RABGAP1: variants seen among roughly 807,000 people sequenced by gnomAD.
RABGAP1 encodes the protein rab GTPase-activating protein 1.
In RABGAP1, 23 loss-of-function variants were observed where a neutral mutation model predicts 137.6. The observed-to-expected ratio is 0.17, with a 90% confidence interval of 0.12 to 0.24. The LOEUF (loss-of-function observed/expected upper bound fraction) is 0.24, where lower values mean the gene tolerates loss of function less well. Among genes scored for constraint, RABGAP1 ranks in the 10% least tolerant of loss-of-function variants. The pLI is 1.00. For missense variants in RABGAP1, 906 were observed against 1,275.8 expected (o/e 0.71, Z 4.42); for synonymous variants, 451 against 450.7 (o/e 1.00, Z -0.01).
In RABGAP1 at chr9:123,070,224, C is replaced by T; in HGVS notation, c.1909-126C>T. The T allele has an allele frequency of 6.7e-7, 1 of 1,484,478 alleles. No homozygotes were observed. The highest frequency in any genetic ancestry group is 2.4e-5 in the East Asian group (1 of 42,416). The allele number at this position is 1,484,478 out of a possible 1,614,324, so 92.0% of individuals were successfully genotyped here. ...GAGAAGTATTGGCACCACTTACTGTCTGTCAAAATGCTGTCCCAGTGTGGG... is the reference window on the plus strand; with the variant it reads ...GAGAAGTATTGGCACCACTTACTGTTTGTCAAAATGCTGTCCCAGTGTGGG... On this transcript the variant is annotated intron_variant, in intron 14 of 25. Transcript: ENST00000373647. This position sits in a 1 kb window ranked among gnomAD's most constrained non-coding sequence, Gnocchi z 4.4.
In RABGAP1 at chr9:122,979,141, A is replaced by C. The variant is rs558937305; in HGVS notation, c.151-5344A>C. On this transcript the variant is annotated intron_variant, in intron 2 of 25. Transcript: ENST00000373647. ...TCAAACTCCTAGAGACACACAGTCC[A>C]CCTGCCTCAGCCTCCTAAATTGCTG... Among the ~76,000 whole-genome samples the C allele has an allele frequency of 6.7e-3, 1,018 of 152,176 alleles. 9 individuals are homozygous for C. The highest frequency in any genetic ancestry group is 0.023 in the African/African-American group (970 of 41,518).
At chr9:123,014,353 GTTTTC>G (rs1245956598) in intron 11 of RABGAP1, among the ~76,000 whole-genome samples, 10 of 152,130 alleles carry the variant, frequency 6.6e-5, no homozygotes, top group Non-Finnish European at 1.5e-4. Flanking sequence ...GTATGTTTGT[GTTTTC>G]TTTTATAAAT....
intron 19 of RABGAP1, among the ~76,000 whole-genome samples, chr9:123,087,094 T>C (rs2034889338): frequency 6.6e-6 from 1 of 152,198 alleles, no homozygotes; most frequent in African/African-American, 2.4e-5. Flanking sequence ...AGTTCTATTA[T>C]TTACCAGGTA....
intron 2 of RABGAP1, among the ~76,000 whole-genome samples, chr9:122,974,498 AC>A (rs1309342887): frequency 6.8e-6 from 1 of 146,002 alleles, no homozygotes; most frequent in Non-Finnish European, 1.5e-5. Flanking sequence ...AGTAACTAAA[AC>A]CCAGCCATGG....
chr9:122,996,020 A>G (rs755939989), intron 6 of RABGAP1, 21 bp from the exon 7 acceptor site: 4 of 1,555,540 alleles, frequency 2.6e-6, no homozygotes, highest in South Asian at 1.2e-5. Flanking sequence ...TGCAAAATTA[A>G]TGAAACATGT....
intron 10 of RABGAP1, among the ~76,000 whole-genome samples, chr9:123,004,216 G>C (rs765546499): frequency 1.3e-5 from 2 of 152,204 alleles, no homozygotes; most frequent in Non-Finnish European, 2.9e-5. Flanking sequence ...TTGTAAAATA[G>C]GGTTTTTCTT....
intron 6 of RABGAP1, chr9:122,990,552 C>T (rs1836615673): frequency 6.3e-6 from 1 of 158,142 alleles, no homozygotes; most frequent in Non-Finnish European, 1.4e-5. Context: ...GACGGATCAC[C>T]TGAGGTCGGG....
intron 10 of RABGAP1, among the ~76,000 whole-genome samples, chr9:123,008,802 A>G (rs922744240): frequency 5.3e-5 from 8 of 152,208 alleles, no homozygotes; most frequent in Non-Finnish European, 7.3e-5. Flanking sequence ...TTGGATTTAC[A>G]TGGTCCTTCC....
chr9:123,092,307 A>G (rs575420668), intron 21 of RABGAP1, among the ~76,000 whole-genome samples: 1 of 152,308 alleles, frequency 6.6e-6, no homozygotes, highest in Admixed American at 6.5e-5. Flanking sequence ...TTCATTCCTG[A>G]TATTAGGAGT....
chr9:123,049,125 A>G (rs1290845911), intron 13 of RABGAP1, among the ~76,000 whole-genome samples: 1 of 152,172 alleles, frequency 6.6e-6, no homozygotes, highest in Non-Finnish European at 1.5e-5. Flanking sequence ...TTCTATTTCA[A>G]CGTGTGGTAT....
intron 1 of RABGAP1, among the ~76,000 whole-genome samples, chr9:122,948,042 A>AAACACACAC (rs1444013217): frequency 1.4e-5 from 2 of 145,958 alleles, no homozygotes; most frequent in African/African-American, 5.2e-5. Context: ...GAGCCAGGAA[A>AAACACACAC]ACACACACAC....
the RABGAP1 span, among the ~76,000 whole-genome samples, chr9:122,933,960 G>A: frequency 3.3e-5 from 5 of 151,450 alleles, no homozygotes; most frequent in Non-Finnish European, 7.4e-5. Context: ...TAGAGACCGC[G>A]CCTTGCTATG....
At chr9:122,987,303 A>AT (rs902690786) in intron 4 of RABGAP1, among the ~76,000 whole-genome samples, 1 of 152,064 alleles carries the variant, frequency 6.6e-6, no homozygotes, top group Non-Finnish European at 1.5e-5. Flanking sequence ...GGTAAAATAA[A>AT]TTTTTTTTCC....
At chr9:123,015,408 A>G in intron 11 of RABGAP1, 135 bp from the exon 12 acceptor site, 1 of 517,824 alleles carries the variant, frequency 1.9e-6, no homozygotes, top group Admixed American at 3.7e-5. Flanking sequence ...GTACCTATCC[A>G]TAAATACTAA....
intron 5 of RABGAP1, chr9:122,989,754 CT>C: frequency 1.9e-6 from 1 of 514,986 alleles, no homozygotes; most frequent in Non-Finnish European, 3.4e-6. Context: ...GCAAACCATT[CT>C]TTTAAATCAA....
At chr9:122,954,835 A>C (rs553968900) in intron 1 of RABGAP1, among the ~76,000 whole-genome samples, 41 of 152,268 alleles carry the variant, frequency 2.7e-4, no homozygotes, top group African/African-American at 7.2e-4. Flanking sequence ...TTAATTTTTG[A>C]CTTTGACTCT....
At chr9:123,076,200 G>T in intron 17 of RABGAP1, 45 bp from the exon 18 acceptor site, 1 of 1,573,514 alleles carries the variant, frequency 6.4e-7, no homozygotes, top group South Asian at 1.1e-5. Flanking sequence ...CATAATAGTC[G>T]AGATATAAAA....
intron 21 of RABGAP1, among the ~76,000 whole-genome samples, chr9:123,095,332 C>T (rs2035151053): frequency 6.7e-6 from 1 of 149,480 alleles, no homozygotes; most frequent in Non-Finnish European, 1.5e-5. Flanking sequence ...GTTTCATTTG[C>T]TCTTTTTCTG....
At chr9:123,025,543 C>CTTT (rs577474947) in intron 13 of RABGAP1, among the ~76,000 whole-genome samples, 5 of 74,996 alleles carry the variant, frequency 6.7e-5, no homozygotes, top group Non-Finnish European at 1.1e-4. Flanking sequence ...TCTTTCTTTT[C>CTTT]TTTTTTTTTT....
Sources: gnomAD v4.1 joint callset for allele counts (sites outside exome capture counted in the v4.1 genomes callset) on GRCh38, gnomAD v4.1.1 for gene constraint, Gnocchi (gnomAD v3.1) non-coding constraint, MANE v1.5 for transcripts, NCBI Gene and HGNC (gene_info 2026-07-23, HGNC 2026-07-21) for gene names.